Variants in ERG observed in about 807,000 individuals in gnomAD.
ERG encodes ETS transcription factor ERG, also known as transcriptional regulator ERG.
Under a neutral mutation model 55.3 loss-of-function variants are expected in ERG, and 9 were observed. That is an observed-to-expected ratio of 0.16 (90% confidence interval 0.10 to 0.28). The LOEUF is 0.28. Among genes scored for constraint, ERG ranks in the 10% least tolerant of loss-of-function variants. ERG has a pLI of 1.00. For synonymous variants in ERG, 223 were observed against 237.3 expected, an observed-to-expected ratio of 0.94 and a Z score of 0.55; for missense variants, 434 against 631.6, an observed-to-expected ratio of 0.69 and a Z score of 3.35.
intron 1 of ERG, among the ~76,000 whole-genome samples, chr21:38,612,946 C>G (rs751831395): frequency 6.6e-5 from 10 of 152,184 alleles, no homozygotes; most frequent in Non-Finnish European, 1.3e-4. Context: ...CAGGCACAAG[C>G]CACCATGCCC....
chr21:38,635,383 G>T (rs117145078), intron 1 of ERG, among the ~76,000 whole-genome samples: 197 of 152,122 alleles, frequency 1.3e-3, no homozygotes, highest in Non-Finnish European at 2.3e-3. Flanking sequence ...TGATAATGAT[G>T]TGCCAACCTA....
At chr21:38,658,618 C>T (rs952836427) in intron 1 of ERG, among the ~76,000 whole-genome samples, 5 of 152,116 alleles carry the variant, frequency 3.3e-5, no homozygotes, top group Non-Finnish European at 5.9e-5. Flanking sequence ...TTTCCTATTA[C>T]CCTACTTACA....
chr21:38,655,663 T>C (rs1285020149), intron 1 of ERG, among the ~76,000 whole-genome samples: 3 of 152,194 alleles, frequency 2.0e-5, no homozygotes, highest in Non-Finnish European at 4.4e-5. Context: ...TCAGGCTTAT[T>C]GAGGCTTGAG....
At chr21:38,371,269 A>C in the ERG span, among the ~76,000 whole-genome samples, 1 of 152,074 alleles carries the variant, frequency 6.6e-6, no homozygotes, top group Non-Finnish European at 1.5e-5. Context: ...AAAACTCTTA[A>C]ATAAAATTCA....
chr21:38,473,769 G>C (rs2059161552), intron 1 of ERG, among the ~76,000 whole-genome samples: 1 of 148,270 alleles, frequency 6.7e-6, no homozygotes, highest in Non-Finnish European at 1.5e-5. Flanking sequence ...TGTGATTTTG[G>C]ATCTAAACAG....
chr21:38,631,367 A>G (rs946512278), intron 1 of ERG, among the ~76,000 whole-genome samples: 2 of 152,214 alleles, frequency 1.3e-5, no homozygotes, highest in Non-Finnish European at 2.9e-5. Flanking sequence ...GGTTGAAAAA[A>G]AAAGGAATCA....
chr21:38,449,577 G>T (rs1367350385), intron 1 of ERG, among the ~76,000 whole-genome samples: 1 of 151,980 alleles, frequency 6.6e-6, no homozygotes, highest in Admixed American at 6.6e-5. Flanking sequence ...GTACAAAAAA[G>T]GATCCAAAAT....
chr21:38,543,364 TA>T (rs57245755), intron 2 of ERG, among the ~76,000 whole-genome samples: 1 of 148,942 alleles, frequency 6.7e-6, no homozygotes, highest in Non-Finnish European at 1.5e-5. Context: ...TGTTTTTTTT[TA>T]AAAAAAAAGC....
intron 2 of ERG, among the ~76,000 whole-genome samples, chr21:38,557,566 C>A (rs1397613209): frequency 2.6e-5 from 4 of 151,926 alleles, no homozygotes; most frequent in South Asian, 2.1e-4. Flanking sequence ...TGAAAAAAAA[C>A]TAATATATGT....
chr21:38,638,031 C>T (rs1248051233), intron 1 of ERG, among the ~76,000 whole-genome samples: 1 of 152,154 alleles, frequency 6.6e-6, no homozygotes, highest in Non-Finnish European at 1.5e-5. Flanking sequence ...TCAGAGAAAA[C>T]GAAGATCTAA....
At chr21:38,659,813 A>C (rs540519659) in intron 1 of ERG, among the ~76,000 whole-genome samples, 1 of 152,380 alleles carries the variant, frequency 6.6e-6, no homozygotes, top group East Asian at 1.9e-4. Flanking sequence ...TCCTGTACTT[A>C]AAAGATAATT....
intron 2 of ERG, among the ~76,000 whole-genome samples, chr21:38,544,614 C>T (rs183186153): frequency 2.7e-4 from 41 of 152,194 alleles, no homozygotes; most frequent in Middle Eastern, 3.4e-3. Context: ...ATTTCCTTTC[C>T]CAGGATATCT....
chr21:38,588,422 T>C (rs141765703), upstream of ERG, among the ~76,000 whole-genome samples: 21 of 151,874 alleles, frequency 1.4e-4, no homozygotes, highest in African/African-American at 4.8e-4. Context: ...TATGGGGAGG[T>C]AGAAGAAGGC....
intron 1 of ERG, among the ~76,000 whole-genome samples, chr21:38,615,966 C>G (rs1433673770): frequency 6.6e-6 from 1 of 152,018 alleles, no homozygotes; most frequent in Non-Finnish European, 1.5e-5. Flanking sequence ...TGTCCCCACC[C>G]AAATCTCATC....
intron 1 of ERG, among the ~76,000 whole-genome samples, chr21:38,594,137 T>C (rs867570557): frequency 3.3e-5 from 5 of 152,124 alleles, no homozygotes; most frequent in African/African-American, 4.8e-5. Context: ...CAAAAACACT[T>C]TGGGATTTCA....
At chr21:38,613,476 G>A (rs1379133842) in intron 1 of ERG, among the ~76,000 whole-genome samples, 4 of 152,194 alleles carry the variant, frequency 2.6e-5, no homozygotes, top group African/African-American at 9.6e-5. Context: ...TCCTTTGTTT[G>A]CAGTAGGTTG....
chr21:38,418,460 AT>A (rs1363612062), intron 3 of ERG, among the ~76,000 whole-genome samples: 1 of 152,000 alleles, frequency 6.6e-6, no homozygotes, highest in Non-Finnish European at 1.5e-5. Flanking sequence ...TAATGTTAAA[AT>A]TTTTTGTAGA....
intron 9 of ERG, among the ~76,000 whole-genome samples, chr21:38,384,226 C>T (rs1663599284): frequency 6.6e-6 from 1 of 152,238 alleles, no homozygotes; most frequent in South Asian, 2.1e-4. Context: ...AAGACCAACT[C>T]CATGACGCTA....
chr21:38,451,710 C>T (rs2058943679), intron 1 of ERG, among the ~76,000 whole-genome samples: 1 of 152,200 alleles, frequency 6.6e-6, no homozygotes, highest in Admixed American at 6.5e-5. Context: ...AGACAATGCA[C>T]TTAGAGAAAG....
Sources: allele counts gnomAD v4.1 joint callset (sites outside exome capture counted in the v4.1 genomes callset), GRCh38; gene constraint gnomAD v4.1.1; transcripts MANE v1.5; gene names NCBI Gene and HGNC (gene_info 2026-07-23, HGNC 2026-07-21).